The following PRKCA variants were observed in gnomAD, a reference collection of about 807,000 sequenced individuals.
PRKCA encodes the protein protein kinase C alpha type.
A neutral mutation model predicts 87.0 loss-of-function variants in PRKCA; 27 were observed. The observed-to-expected ratio is 0.31, with a 90% CI of 0.23 to 0.43. The LOEUF (loss-of-function observed/expected upper bound fraction) is 0.43, where lower values mean the gene tolerates loss of function less well. PRKCA is among the 20% of genes least tolerant of loss of function. The pLI is 1.00. For missense variants in PRKCA, 518 were observed against 852.3 expected (o/e 0.61, Z 4.88); for synonymous variants, 329 against 311.1 (o/e 1.06, Z -0.61).
At chr17:66,340,130 G>C (rs965063429) in intron 2 of PRKCA, 1 of 152,204 alleles carries the variant, frequency 6.6e-6, no homozygotes, top group East Asian at 1.9e-4. Context: ...TTTATGTATT[G>C]TATTAAACTC....
chr17:66,677,248 T>C (rs1232814493), intron 5 of PRKCA: 2 of 151,926 alleles, frequency 1.3e-5, no homozygotes, highest in Non-Finnish European at 2.9e-5. Context: ...CCCGGCTAAT[T>C]ATTTGTATTT....
intron 5 of PRKCA, among the ~76,000 whole-genome samples, chr17:66,659,664 A>G: frequency 6.6e-6 from 1 of 151,874 alleles, no homozygotes; most frequent in East Asian, 1.9e-4. Flanking sequence ...TGGGAGGATT[A>G]CCTGAGCCCA....
At chr17:66,637,201 T>C (rs1971170940) in intron 3 of PRKCA, among the ~76,000 whole-genome samples, 1 of 152,164 alleles carries the variant, frequency 6.6e-6, no homozygotes, top group African/African-American at 2.4e-5. Flanking sequence ...TGGAGATCTA[T>C]GTGACAACCA....
intron 3 of PRKCA, among the ~76,000 whole-genome samples, chr17:66,590,184 C>T (rs537396813): frequency 2.0e-5 from 3 of 152,246 alleles, no homozygotes; most frequent in Non-Finnish European, 2.9e-5. Context: ...GGAGGTTGGT[C>T]TCCAGTTTCA....
chr17:66,461,763 G>T (rs1914863246), intron 2 of PRKCA, among the ~76,000 whole-genome samples: 1 of 152,194 alleles, frequency 6.6e-6, no homozygotes, highest in Non-Finnish European at 1.5e-5. Flanking sequence ...GAGGCATTCT[G>T]TGGGTTTCAT....
chr17:66,607,364 C>T (rs1248251041), intron 3 of PRKCA, among the ~76,000 whole-genome samples: 1 of 152,208 alleles, frequency 6.6e-6, no homozygotes, highest in African/African-American at 2.4e-5. Context: ...TTGTTGCAAG[C>T]AAGCCATGAA....
chr17:66,686,449 A>G (rs1047912463), intron 5 of PRKCA, among the ~76,000 whole-genome samples: 9 of 152,216 alleles, frequency 5.9e-5, no homozygotes, highest in African/African-American at 1.9e-4. Context: ...ATTCTGAGTT[A>G]CAACTGTATA....
intron 3 of PRKCA, among the ~76,000 whole-genome samples, chr17:66,518,518 A>AT (rs1967047149): frequency 1.3e-5 from 2 of 152,150 alleles, no homozygotes; most frequent in South Asian, 4.1e-4. Flanking sequence ...AACTGTCAGG[A>AT]TTTTACTGTG....
At chr17:66,316,228 A>G (rs1905309204) in intron 2 of PRKCA, among the ~76,000 whole-genome samples, 1 of 152,226 alleles carries the variant, frequency 6.6e-6, no homozygotes, top group Admixed American at 6.5e-5. Flanking sequence ...AAGAACAGAT[A>G]GGAAAAATAT....
At chr17:66,420,149 C>T (rs887856353) in intron 2 of PRKCA, among the ~76,000 whole-genome samples, 1 of 151,848 alleles carries the variant, frequency 6.6e-6, no homozygotes, top group African/African-American at 2.4e-5. Flanking sequence ...GTAGCTGGGA[C>T]TGCAGAAGTA....
chr17:66,705,916 A>C (rs1973180602), intron 8 of PRKCA, among the ~76,000 whole-genome samples: 1 of 152,188 alleles, frequency 6.6e-6, no homozygotes, highest in Admixed American at 6.5e-5. Context: ...TGTTTTCCCC[A>C]AAAAACATGC....
intron 2 of PRKCA, among the ~76,000 whole-genome samples, chr17:66,332,695 AT>A (rs11405379): frequency 3.8e-4 from 54 of 142,928 alleles, no homozygotes; most frequent in South Asian, 6.7e-4. Context: ...TTTGTTTTTA[AT>A]TTTTTTTTTT....
intron 2 of PRKCA, among the ~76,000 whole-genome samples, chr17:66,401,929 A>T (rs1459920064): frequency 6.6e-5 from 10 of 152,180 alleles, no homozygotes; most frequent in Non-Finnish European, 1.3e-4. Context: ...TTGTGAGTCA[A>T]ATTTGACAGA....
chr17:66,651,263 T>C (rs1567955589), intron 5 of PRKCA, among the ~76,000 whole-genome samples: 1 of 152,210 alleles, frequency 6.6e-6, no homozygotes, highest in Non-Finnish European at 1.5e-5. Context: ...GTATGAGAGC[T>C]GCAATCATCA....
At chr17:66,796,332 C>A in intron 16 of PRKCA, 2 of 599,102 alleles carry the variant, frequency 3.3e-6, no homozygotes, top group Non-Finnish European at 4.2e-6. Context: ...GGTGTTTCCG[C>A]ATCAGCTCAC....
chr17:66,642,328 A>C (rs1416390894), intron 4 of PRKCA, among the ~76,000 whole-genome samples: 1 of 151,944 alleles, frequency 6.6e-6, no homozygotes, highest in South Asian at 2.1e-4. Flanking sequence ...ATGGGGTTTC[A>C]CTGTGTTAGC....
chr17:66,724,195 C>T (rs1048915336), intron 8 of PRKCA, among the ~76,000 whole-genome samples: 4 of 151,950 alleles, frequency 2.6e-5, no homozygotes, highest in African/African-American at 7.3e-5. Flanking sequence ...ACTTGGGAAG[C>T]TTAGGCAGGA....
intron 2 of PRKCA, among the ~76,000 whole-genome samples, chr17:66,377,701 T>A (rs4307984): frequency 0.44 from 33,589 of 76,912 alleles, 7,691 homozygotes; most frequent in South Asian, 0.51. Context: ...AGTCTATGTT[T>A]TATATATATA....
At chr17:66,396,957 C>CTT (rs35135551) in intron 2 of PRKCA, among the ~76,000 whole-genome samples, 5,509 of 52,138 alleles carry the variant, frequency 0.11, 2,281 homozygotes, top group East Asian at 0.21. Flanking sequence ...ACAATCAAGA[C>CTT]TTTTTTTTTT....
Sources: gnomAD v4.1 joint callset for allele counts (sites outside exome capture counted in the v4.1 genomes callset) on GRCh38, gnomAD v4.1.1 for gene constraint, MANE v1.5 for transcripts, NCBI Gene and HGNC (gene_info 2026-07-23, HGNC 2026-07-21) for gene names.